Variants in DRC11 observed in about 807,000 individuals in gnomAD.
DRC11 encodes dynein regulatory complex subunit 11.
At chr2:236,324,882 G>A in the DRC11 span, 3 of 844,668 alleles carry the variant, frequency 3.6e-6, no homozygotes, top group African/African-American at 3.4e-5. This position sits in a 1 kb window ranked among gnomAD's most constrained non-coding sequence, Gnocchi z 5.7. Flanking sequence ...GAAGGGGCAA[G>A]CAGCCATTGT....
chr2:236,372,180 A>G, the DRC11 span, among the ~76,000 whole-genome samples: 1 of 152,304 alleles, frequency 6.6e-6, no homozygotes, highest in East Asian at 1.9e-4. This position sits in a 1 kb window ranked among gnomAD's most constrained non-coding sequence, Gnocchi z 4.5. Flanking sequence ...GCTCTAGTAT[A>G]CTGACTTCAG....
the DRC11 span, among the ~76,000 whole-genome samples, chr2:236,456,563 C>T: frequency 1.3e-5 from 2 of 152,212 alleles, no homozygotes; most frequent in African/African-American, 4.8e-5. The surrounding 1 kb of genome is among the most constrained non-coding windows in gnomAD (Gnocchi z 5.4). Context: ...CACCTCACTT[C>T]TGACTGATTA....
At chr2:236,455,872 C>A in the DRC11 span, among the ~76,000 whole-genome samples, 1 of 152,250 alleles carries the variant, frequency 6.6e-6, no homozygotes. This position sits in a 1 kb window ranked among gnomAD's most constrained non-coding sequence, Gnocchi z 5.7. Context: ...GACTCAAGCA[C>A]ATTGCGTGCT....
chr2:236,493,833 T>C, the DRC11 span: 41 of 1,607,896 alleles, frequency 2.5e-5, no homozygotes, highest in Middle Eastern at 1.6e-4. Flanking sequence ...CTTCCTTTTA[T>C]TACTTCCAAC....
At chr2:236,424,028 A>C in the DRC11 span, among the ~76,000 whole-genome samples, 1 of 128,122 alleles carries the variant, frequency 7.8e-6, no homozygotes, top group Non-Finnish European at 1.6e-5. Flanking sequence ...AGGAAGGGGA[A>C]CATCACACTC....
At chr2:236,429,484 A>G in the DRC11 span, among the ~76,000 whole-genome samples, 2 of 152,130 alleles carry the variant, frequency 1.3e-5, no homozygotes, top group Non-Finnish European at 2.9e-5. This position sits in a 1 kb window ranked among gnomAD's most constrained non-coding sequence, Gnocchi z 5.9. Flanking sequence ...GGTTATGCTC[A>G]TCTAGTTGTG....
chr2:236,421,519 G>A, the DRC11 span, among the ~76,000 whole-genome samples: 4 of 152,158 alleles, frequency 2.6e-5, no homozygotes, highest in African/African-American at 4.8e-5. Flanking sequence ...GGGAGAAGTT[G>A]AATCTCTGAA....
At chr2:236,419,338 G>T in the DRC11 span, 1 of 1,487,378 alleles carries the variant, frequency 6.7e-7, no homozygotes, top group Non-Finnish European at 8.9e-7. This position sits in a 1 kb window ranked among gnomAD's most constrained non-coding sequence, Gnocchi z 4.8. Flanking sequence ...TGTTTTCCCT[G>T]TCTGAAAGGA....
At chr2:236,325,768 A>G in the DRC11 span, among the ~76,000 whole-genome samples, 2 of 152,044 alleles carry the variant, frequency 1.3e-5, no homozygotes, top group African/African-American at 4.8e-5. This position sits in a 1 kb window ranked among gnomAD's most constrained non-coding sequence, Gnocchi z 4.4. Context: ...ACACCCAGCT[A>G]ATTTTTGTAT....
chr2:236,338,187 G>C, the DRC11 span: 1 of 1,609,750 alleles, frequency 6.2e-7, no homozygotes, highest in Non-Finnish European at 8.5e-7. Flanking sequence ...TGCATGGGAA[G>C]GGGCTGGGGG....
At chr2:236,327,176 T>G in the DRC11 span, among the ~76,000 whole-genome samples, 1 of 152,218 alleles carries the variant, frequency 6.6e-6, no homozygotes, top group Middle Eastern at 3.2e-3. Flanking sequence ...CTTCCCTTAA[T>G]GCTTCCTGGT....
chr2:236,464,893 A>G, the DRC11 span, among the ~76,000 whole-genome samples: 94 of 152,272 alleles, frequency 6.2e-4, no homozygotes, highest in African/African-American at 2.2e-3. Flanking sequence ...CTTCTCCTGC[A>G]TCACCTTCTG....
the DRC11 span, among the ~76,000 whole-genome samples, chr2:236,397,601 G>A: frequency 6.6e-6 from 1 of 152,228 alleles, no homozygotes; most frequent in Admixed American, 6.5e-5. This position sits in a 1 kb window ranked among gnomAD's most constrained non-coding sequence, Gnocchi z 5.0. Flanking sequence ...TGAAGGTGTG[G>A]GAGTTATCTT....
the DRC11 span, among the ~76,000 whole-genome samples, chr2:236,393,828 G>A: frequency 6.6e-6 from 1 of 152,164 alleles, no homozygotes; most frequent in Non-Finnish European, 1.5e-5. This position sits in a 1 kb window ranked among gnomAD's most constrained non-coding sequence, Gnocchi z 4.7. Flanking sequence ...ACAGCTTGGT[G>A]CAAGAGCCAC....
At chr2:236,331,518 A>G in the DRC11 span, 1 of 1,614,010 alleles carries the variant, frequency 6.2e-7, no homozygotes, top group Non-Finnish European at 8.5e-7. The surrounding 1 kb of genome is among the most constrained non-coding windows in gnomAD (Gnocchi z 4.8). Context: ...TGAAGCCGTC[A>G]GTGACCTTCG....
the DRC11 span, among the ~76,000 whole-genome samples, chr2:236,374,285 C>T: frequency 6.6e-6 from 1 of 152,076 alleles, no homozygotes; most frequent in African/African-American, 2.4e-5. Context: ...ACACTGCCAT[C>T]TTTCAAGCTA....
the DRC11 span, among the ~76,000 whole-genome samples, chr2:236,502,089 G>T: frequency 1.3e-5 from 2 of 152,092 alleles, no homozygotes; most frequent in Non-Finnish European, 2.9e-5. Flanking sequence ...AAAGAATGAC[G>T]ACTTCTTCAA....
the DRC11 span, among the ~76,000 whole-genome samples, chr2:236,394,320 TGCAGC>T: frequency 5.3e-5 from 8 of 152,232 alleles, no homozygotes; most frequent in East Asian, 1.4e-3. This position sits in a 1 kb window ranked among gnomAD's most constrained non-coding sequence, Gnocchi z 7.0. Context: ...GACATGGAAA[TGCAGC>T]TCCAGTTTTC....
At chr2:236,418,551 G>C in the DRC11 span, among the ~76,000 whole-genome samples, 4 of 152,190 alleles carry the variant, frequency 2.6e-5, no homozygotes, top group African/African-American at 9.6e-5. Flanking sequence ...GGCCCTAAGA[G>C]TTCACTTCTC....
Sources: gnomAD v4.1 joint callset for allele counts (sites outside exome capture counted in the v4.1 genomes callset) on GRCh38, gnomAD v4.1.1 for gene constraint, Gnocchi (gnomAD v3.1) non-coding constraint, MANE v1.5 for transcripts, NCBI Gene and HGNC (gene_info 2026-07-23, HGNC 2026-07-21) for gene names.